Variants in PRKCI observed in about 807,000 individuals in gnomAD.
PRKCI encodes the protein protein kinase C iota type.
PRKCI carries 43 observed loss-of-function variants against 84.0 expected under a neutral mutation model. The observed-to-expected ratio is 0.51, with a 90% CI of 0.40 to 0.66. PRKCI has a LOEUF of 0.66. Among genes scored for constraint, PRKCI ranks in the 30% least tolerant of loss-of-function variants. The pLI is 0.00. For missense variants in PRKCI, 459 were observed against 745.6 expected (o/e 0.62, Z 4.48); for synonymous variants, 216 against 234.4 (o/e 0.92, Z 0.72).
In PRKCI at chr3:170,248,971, C is replaced by T. The variant is rs568016688; in HGVS notation, c.224-10998C>T. ...CATGCCATTCTCCTGCCTCAGCCTC[C>T]TTTGTAGCTGGGACTACAGGTGCCC... On this transcript the variant is annotated intron_variant, in intron 2 of 17. Transcript: ENST00000295797. Among the ~76,000 whole-genome samples, 5 of 152,088 alleles carry T rather than the reference C, an allele frequency of 3.3e-5. No individual in the cohort carries two copies. In the South Asian group the frequency reaches 1.0e-3, roughly 32 times the overall value.
chr3:170,270,603 G>A (rs370384371), intron 6 of PRKCI, 42 bp downstream of exon 6: 71 of 1,522,848 alleles, frequency 4.7e-5, no homozygotes, highest in Non-Finnish European at 5.9e-5. Context: ...TTTTAAGAGC[G>A]TGCTTGATAA....
At chr3:170,230,165 C>CTTTTT (rs545430768) in intron 1 of PRKCI, among the ~76,000 whole-genome samples, 2,275 of 134,750 alleles carry the variant, frequency 0.017, 34 homozygotes, top group East Asian at 0.08. Context: ...TATTATGCAA[C>CTTTTT]TTTTTTTTTT....
chr3:170,282,059 A>T, intron 11 of PRKCI, 91 bp downstream of exon 11: 1 of 1,298,582 alleles, frequency 7.7e-7, no homozygotes, highest in East Asian at 2.4e-5. Flanking sequence ...TAAATAATTT[A>T]TTTTGATACT....
At chr3:170,280,942 A>T (rs1734228700) in intron 9 of PRKCI, among the ~76,000 whole-genome samples, 1 of 152,144 alleles carries the variant, frequency 6.6e-6, no homozygotes, top group African/African-American at 2.4e-5. Context: ...TTATCAGGAG[A>T]AATACTTGAG....
intron 14 of PRKCI, among the ~76,000 whole-genome samples, chr3:170,294,561 T>C (rs1002477395): frequency 4.6e-5 from 7 of 152,208 alleles, no homozygotes; most frequent in African/African-American, 1.7e-4. Context: ...GGAACTCTTC[T>C]AGACTGCTGG....
intron 11 of PRKCI, among the ~76,000 whole-genome samples, chr3:170,283,019 C>T (rs867242732): frequency 5.4e-5 from 8 of 148,578 alleles, no homozygotes; most frequent in East Asian, 4.0e-4. Flanking sequence ...TTAGGAGAAT[C>T]GCTTGAGCCC....
rs769765052 is a variant in PRKCI at position 170,295,869 on chromosome 3, A to G, written c.1418-42A>G. 1.1e-4 allele frequency: 130 copies of G among 1,191,188 alleles called. 2 individuals carry two copies. The Middle Eastern group carries it at 1.1e-3, about 10-fold the overall frequency. The allele number at this position is 1,191,188 out of a possible 1,614,324, so 73.8% of individuals were successfully genotyped here. Reference sequence around the variant, plus strand: ...AAAAAGAAGAAAAAAGATTAAAGCCATGTAAAAGTTAAATATAATACTATA... The same window carrying G: ...AAAAAGAAGAAAAAAGATTAAAGCCGTGTAAAAGTTAAATATAATACTATA... On this transcript the variant is annotated intron_variant, in intron 14 of 17. Transcript: ENST00000295797.
At chr3:170,263,579 A>T (rs746333789) in intron 4 of PRKCI, 150 bp downstream of exon 4, 112 of 587,982 alleles carry the variant, frequency 1.9e-4, no homozygotes, top group Non-Finnish European at 3.0e-4. Context: ...AGGTGGGAGG[A>T]TCGCTTAAGC....
intron 2 of PRKCI, among the ~76,000 whole-genome samples, chr3:170,238,311 T>C (rs11710735): frequency 0.82 from 123,487 of 151,348 alleles, 50,486 homozygotes; most frequent in South Asian, 0.89. Context: ...TACAGTGAGC[T>C]GAGATTGTGT....
intron 1 of PRKCI, among the ~76,000 whole-genome samples, chr3:170,227,851 G>T (rs887377613): frequency 2.0e-5 from 3 of 152,340 alleles, no homozygotes; most frequent in Middle Eastern, 3.4e-3. Context: ...ATGGATTGGT[G>T]ATGGATGAAA....
chr3:170,222,556 A>T lies in PRKCI; in HGVS notation c.-114A>T. Reference sequence around the variant, plus strand: ...GGCGCTGCGGGCGAGGTGGGCAGGTAGGTGGGCGGACGGCCGCGGTTCTCC... The same window carrying T: ...GGCGCTGCGGGCGAGGTGGGCAGGTTGGTGGGCGGACGGCCGCGGTTCTCC... On this transcript the variant is annotated 5_prime_UTR_variant, in exon 1 of 18. Transcript: ENST00000295797. 2.3e-6 allele frequency: 2 copies of T among 886,596 alleles called. No individual in the cohort carries two copies. Among genetic ancestry groups the T allele is most frequent in the Non-Finnish European group, 3.3e-6 (2 of 609,760 alleles). 54.9% of individuals were successfully genotyped at this position (886,596 alleles called of 1,614,324 possible). A position where few individuals can be genotyped will look rare whatever the true frequency, so the allele number is the denominator to read the frequency against.
intron 13 of PRKCI, among the ~76,000 whole-genome samples, chr3:170,293,122 G>T (rs917550303): frequency 3.3e-5 from 5 of 151,602 alleles, no homozygotes; most frequent in African/African-American, 1.2e-4. Context: ...TAGATATTGG[G>T]CATGAGTCTG....
chr3:170,280,508 G>C, intron 9 of PRKCI, 105 bp downstream of exon 9: 1 of 1,097,522 alleles, frequency 9.1e-7, no homozygotes, highest in East Asian at 2.8e-5. Flanking sequence ...AGTGCTAGTG[G>C]TGCAATCTTG....
intron 12 of PRKCI, 69 bp downstream of exon 12, chr3:170,284,665 G>A: frequency 6.8e-7 from 1 of 1,466,690 alleles, no homozygotes. Flanking sequence ...ATAACTTCAT[G>A]TTTAAAGATG....
At chr3:170,234,876 C>T (rs1732927387) in intron 1 of PRKCI, among the ~76,000 whole-genome samples, 1 of 151,890 alleles carries the variant, frequency 6.6e-6, no homozygotes, top group Non-Finnish European at 1.5e-5. Context: ...GATCTCAGCT[C>T]ACTGTAACCT....
At chr3:170,230,521 G>C (rs1308403989) in intron 1 of PRKCI, among the ~76,000 whole-genome samples, 1 of 152,214 alleles carries the variant, frequency 6.6e-6, no homozygotes, top group Admixed American at 6.5e-5. Flanking sequence ...GTAGAGACAG[G>C]GTTTTGCCAT....
rs2108871173 is a variant in PRKCI, at chr3:170,305,832, G to A, written c.*2705G>A. 6.6e-6 allele frequency: 1 copy of A among 152,026 alleles called. No individual in the cohort carries two copies. Among genetic ancestry groups the A allele is most frequent in the East Asian group, 1.9e-4 (1 of 5,184 alleles). 9.4% of individuals were successfully genotyped at this position (152,026 alleles called of 1,614,324 possible). ...AGCCTGGATTGGATGTTAAGTAAAT[G>A]CTTGTTCAGTGCCGGTACATTTACT... is the stretch of plus-strand genomic sequence containing the variant. On this transcript the variant is annotated 3_prime_UTR_variant, in exon 18 of 18. Transcript: ENST00000295797.
intron 1 of PRKCI, among the ~76,000 whole-genome samples, chr3:170,223,589 C>T (rs774531065): frequency 1.2e-4 from 19 of 152,194 alleles, no homozygotes; most frequent in Middle Eastern, 6.8e-3. Flanking sequence ...GCAAAGTGCC[C>T]CCCTTCCTTT....
chr3:170,225,039 G>C (rs543027095), intron 1 of PRKCI, among the ~76,000 whole-genome samples: 83 of 152,220 alleles, frequency 5.5e-4, no homozygotes, highest in Middle Eastern at 3.4e-3. Flanking sequence ...TTGGCTTATT[G>C]CTCCAGTTAT....
Sources: allele counts gnomAD v4.1 joint callset (sites outside exome capture counted in the v4.1 genomes callset), GRCh38; gene constraint gnomAD v4.1.1; transcripts MANE v1.5; gene names NCBI Gene and HGNC (gene_info 2026-07-23, HGNC 2026-07-21).